The following PIK3R6 variants were observed in gnomAD, a reference collection of about 807,000 sequenced individuals.
PIK3R6 encodes the protein phosphoinositide-3-kinase regulatory subunit 6, also known as phosphoinositide 3-kinase regulatory subunit 6.
In PIK3R6, 91 loss-of-function variants were observed where a neutral mutation model predicts 84.9. That is an observed-to-expected ratio of 1.07 (90% CI 0.90 to 1.28). The LOEUF is 1.28. Ranked by LOEUF, PIK3R6 falls within the 50% of genes most tolerant of loss-of-function variation. The pLI, the probability that PIK3R6 is intolerant of heterozygous loss-of-function variation, is 0.00. For synonymous variants in PIK3R6, 416 were observed against 411.4 expected (o/e 1.01, Z -0.13); for missense variants, 996 against 985.1 (o/e 1.01, Z -0.15).
chr17:8,836,167 C>T (rs2088456906), intron 7 of PIK3R6, among the ~76,000 whole-genome samples: 2 of 152,246 alleles, frequency 1.3e-5, no homozygotes, highest in Middle Eastern at 3.2e-3. Context: ...CTGAGCCCCT[C>T]CGCTATGGCT....
In PIK3R6 at chr17:8,836,547, C is replaced by G. The variant is rs371976928; in HGVS notation, c.461G>C (p.Arg154Thr). Residue 154 changes from arginine to threonine, a missense_variant and splice_region_variant, in exon 7 of 20, where the codon AGA (arginine) becomes ACA (threonine). Transcript: ENST00000619866. ...LTNELYPYQE[R>T]VFLFVDPELV... ...TAGCAATTTTTCTGGGGCCACTCACCTCTCCTGGTAGGGATACAGCTCATT... is the reference window on the plus strand; with the variant it reads ...TAGCAATTTTTCTGGGGCCACTCACGTCTCCTGGTAGGGATACAGCTCATT... 164 of 1,613,848 alleles carry G rather than the reference C, an allele frequency of 1.0e-4. No individual in the cohort carries two copies. Among genetic ancestry groups the G allele is most frequent in the Non-Finnish European group, 1.4e-4 (162 of 1,179,900 alleles).
At chr17:8,832,820 G>C in intron 9 of PIK3R6, 69 bp downstream of exon 9, 1 of 1,602,774 alleles carries the variant, frequency 6.2e-7, no homozygotes, top group South Asian at 1.1e-5. Context: ...GCTCTCTGGC[G>C]CCCCCTGCTG....
Position 8,803,259 on chromosome 17 carries a change from C to T in PIK3R6, c.*14G>A. On this transcript the variant is annotated 3_prime_UTR_variant, in exon 20 of 20. Coordinates refer to ENST00000619866, the MANE Select transcript of PIK3R6 (RefSeq NM_001010855.4). The surrounding 1 kb of genome is among the most constrained non-coding windows in gnomAD (Gnocchi z 5.0). ...TAGTGTATCCTTCCTCCTGGGCCTG[C>T]TGTCCCTGCAGGCTCACTGGACAAT... is the stretch of plus-strand genomic sequence containing the variant. The T allele has an allele frequency of 6.2e-7, 1 of 1,611,860 alleles. No homozygotes were observed. The highest frequency in any genetic ancestry group is 1.1e-5 in the South Asian group (1 of 90,988).
intron 9 of PIK3R6, among the ~76,000 whole-genome samples, chr17:8,831,561 G>T (rs1355964468): frequency 6.6e-6 from 1 of 152,098 alleles, no homozygotes; most frequent in Non-Finnish European, 1.5e-5. Context: ...AGTGTAGAAT[G>T]TTAAAGTAAA....
intron 3 of PIK3R6, 32 bp from the exon 4 acceptor site, chr17:8,838,687 G>C (rs1408466781): frequency 1.3e-6 from 2 of 1,552,796 alleles, no homozygotes; most frequent in Non-Finnish European, 1.7e-6. Flanking sequence ...CCCGGCATGA[G>C]CAGGTGGGCA....
chr17:8,823,587 A>G, intron 13 of PIK3R6, 90 bp from the exon 14 acceptor site: 1 of 886,218 alleles, frequency 1.1e-6, no homozygotes. Flanking sequence ...TCAAGCCCCT[A>G]CATCTCTGGG....
chr17:8,860,856 A>G (rs1318680407), intron 1 of PIK3R6, among the ~76,000 whole-genome samples: 1 of 152,110 alleles, frequency 6.6e-6, no homozygotes, highest in Non-Finnish European at 1.5e-5. Flanking sequence ...ACACCACACC[A>G]GCACTATCAG....
intron 1 of PIK3R6, among the ~76,000 whole-genome samples, chr17:8,864,530 T>G (rs1359395654): frequency 2.4e-5 from 1 of 41,820 alleles, no homozygotes; most frequent in African/African-American, 1.8e-4. Context: ...TTCACAGCTC[T>G]TTTTTTTTTT....
chr17:8,848,175 C>A (rs1199192741), intron 2 of PIK3R6, among the ~76,000 whole-genome samples: 1 of 152,158 alleles, frequency 6.6e-6, no homozygotes, highest in Non-Finnish European at 1.5e-5. Flanking sequence ...TTCCCCTGCC[C>A]TTTCTGGTGT....
chr17:8,853,027 A>C (rs2089016229), intron 1 of PIK3R6, among the ~76,000 whole-genome samples: 1 of 152,192 alleles, frequency 6.6e-6, no homozygotes, highest in African/African-American at 2.4e-5. Flanking sequence ...TTAACAATAG[A>C]GTACAACCAG....
chr17:8,822,052 CTTTT>C (rs546514771), intron 16 of PIK3R6, 116 bp from the exon 17 acceptor site: 6,941 of 407,538 alleles, frequency 0.017, no homozygotes, highest in South Asian at 0.029. Context: ...CTGTGAGAGT[CTTTT>C]TTTTTTTTTT....
In PIK3R6 at chr17:8,857,509, G is replaced by A. The variant is rs140866190; in HGVS notation, c.-91-7624C>T. ...ATGAACACAAACTTCTGTCTGGGGC[G>A]GCCTGGGTTAATAATGAACACGGGG... is the stretch of plus-strand genomic sequence containing the variant. On this transcript the variant is annotated intron_variant, in intron 1 of 19. Transcript: ENST00000619866. Among the ~76,000 whole-genome samples, 13 of 152,228 alleles carry A rather than the reference G, an allele frequency of 8.5e-5. No homozygotes were observed. In the East Asian group the frequency reaches 9.6e-4, roughly 11 times the overall value.
In PIK3R6 at chr17:8,815,321, C is replaced by T. The variant is rs529066824; in HGVS notation, c.1995+3762G>A. On this transcript the variant is annotated intron_variant, in intron 18 of 19. Coordinates refer to ENST00000619866, the MANE Select transcript of PIK3R6 (RefSeq NM_001010855.4). ...AAGAGATAGAGACAATCCTGGCCAACGTGGTGAAACCCCATCTCTACTAAA... is the reference window on the plus strand; with the variant it reads ...AAGAGATAGAGACAATCCTGGCCAATGTGGTGAAACCCCATCTCTACTAAA... Among the ~76,000 whole-genome samples, 5 of 152,276 alleles carry T rather than the reference C, an allele frequency of 3.3e-5. No individual in the cohort carries two copies. The East Asian group carries it at 7.7e-4, about 23-fold the overall frequency.
chr17:8,827,033 T>C (rs762905233), intron 13 of PIK3R6, 139 bp downstream of exon 13: 5 of 982,368 alleles, frequency 5.1e-6, no homozygotes, highest in African/African-American at 3.3e-5. Context: ...AGGTCAAAGG[T>C]CAAGTGCAGC....
Position 8,803,493 on chromosome 17 carries a change from G to A in PIK3R6, c.2109-64C>T. The A allele has an allele frequency of 1.3e-6, 2 of 1,482,122 alleles. No homozygotes were observed. The highest frequency in any genetic ancestry group is 2.3e-5 in the East Asian group (1 of 43,830). 91.8% of individuals were successfully genotyped at this position (1,482,122 alleles called of 1,614,324 possible). A position where few individuals can be genotyped will look rare whatever the true frequency, so the allele number is the denominator to read the frequency against. Reference sequence around the variant, plus strand: ...AGGGATCAGATTGCCTAGGGCATTTGAAAGGCAGAGCTGTTATTGTAGGGC... The same window carrying A: ...AGGGATCAGATTGCCTAGGGCATTTAAAAGGCAGAGCTGTTATTGTAGGGC... On this transcript the variant is annotated intron_variant, in intron 19 of 19. Transcript: ENST00000619866. This position sits in a 1 kb window ranked among gnomAD's most constrained non-coding sequence, Gnocchi z 5.0.
Position 8,827,195 on chromosome 17 carries a change from C to G in PIK3R6, c.1492G>C (p.Ala498Pro). Residue 498 changes from alanine (A) to proline (P), a missense_variant, in exon 13 of 20, where the codon GCC (alanine) becomes CCC (proline). Coordinates refer to ENST00000619866, the MANE Select transcript of PIK3R6 (RefSeq NM_001010855.4). ...YQSNVNTLCP[A>P]IHKLAEMPPS... Reference sequence around the variant, plus strand: ...ACCATCTCAGCCAGCTTGTGGATGGCGGGGCACAGCGTGTTGACGTTGCTC... The same window carrying G: ...ACCATCTCAGCCAGCTTGTGGATGGGGGGGCACAGCGTGTTGACGTTGCTC... 6.2e-7 allele frequency: 1 copy of G among 1,611,878 alleles called. No homozygotes were observed. The highest frequency in any genetic ancestry group is 8.5e-7 in the Non-Finnish European group (1 of 1,179,034).
chr17:8,813,705 C>A (rs551018951), intron 18 of PIK3R6, among the ~76,000 whole-genome samples: 4 of 152,272 alleles, frequency 2.6e-5, no homozygotes, highest in African/African-American at 9.6e-5. Flanking sequence ...TAAAATCCAG[C>A]ATCTCTTCAT....
intron 4 of PIK3R6, 49 bp downstream of exon 4, chr17:8,838,515 C>T: frequency 6.5e-7 from 1 of 1,534,480 alleles, no homozygotes; most frequent in East Asian, 2.4e-5. Context: ...CCAATTGGCC[C>T]CTCTCTTCCT....
Position 8,839,926 on chromosome 17 carries a change from T to C in PIK3R6, c.14-229A>G, listed in dbSNP as rs1196289781. Among the ~76,000 whole-genome samples, 1 of 152,194 alleles carries C rather than the reference T, an allele frequency of 6.6e-6. No individual in the cohort carries two copies. The highest frequency in any genetic ancestry group is 1.5e-5 in the Non-Finnish European group (1 of 68,028). On this transcript the variant is annotated intron_variant, in intron 2 of 19. Coordinates refer to ENST00000619866, the MANE Select transcript of PIK3R6 (RefSeq NM_001010855.4). The surrounding 1 kb of genome is among the most constrained non-coding windows in gnomAD (Gnocchi z 4.2). The stretch of plus-strand genomic sequence containing the variant: ...TGCATTTCCCAAAGTGCAGTATGTG[T>C]ACCACTGGTGGTATGTAGGACAATT...
Sources: gnomAD v4.1 joint callset for allele counts (sites outside exome capture counted in the v4.1 genomes callset) on GRCh38, gnomAD v4.1.1 for gene constraint, Gnocchi (gnomAD v3.1) non-coding constraint, MANE v1.5 for transcripts, NCBI Gene and HGNC (gene_info 2026-07-23, HGNC 2026-07-21) for gene names.